CYSTM1: variants seen among roughly 807,000 people sequenced by gnomAD.
The protein encoded by CYSTM1 is cysteine rich transmembrane module containing 1.
A neutral mutation model predicts 13.1 loss-of-function variants in CYSTM1; 4 were observed. That is an observed-to-expected ratio of 0.31 (90% CI 0.15 to 0.70). The LOEUF (loss-of-function observed/expected upper bound fraction) is 0.70, where lower values mean the gene tolerates loss of function less well. CYSTM1 is among the 30% of genes least tolerant of loss of function. The pLI is 0.72. For missense variants in CYSTM1, 96 were observed against 121.6 expected (o/e 0.79, Z 0.99); for synonymous variants, 36 against 42.7 (o/e 0.84, Z 0.62).
intron 1 of CYSTM1, among the ~76,000 whole-genome samples, chr5:140,190,363 A>G (rs935210968): frequency 9.1e-4 from 138 of 152,098 alleles, no homozygotes; most frequent in African/African-American, 3.2e-3. Flanking sequence ...AATGTCTGAT[A>G]ATCTTTGTCC....
intron 2 of CYSTM1, among the ~76,000 whole-genome samples, chr5:140,210,564 A>G (rs1288457098): frequency 6.6e-6 from 1 of 150,624 alleles, no homozygotes; most frequent in Non-Finnish European, 1.5e-5. Flanking sequence ...CCCAGGTTGG[A>G]GTGCAGTGGT....
intron 2 of CYSTM1, among the ~76,000 whole-genome samples, chr5:140,242,878 T>C (rs538990345): frequency 2.0e-5 from 3 of 152,314 alleles, no homozygotes; most frequent in East Asian, 3.9e-4. Context: ...TCTTTAAGGG[T>C]TTAAAGCCCC....
Position 140,196,088 on chromosome 5 carries a change from T to C in CYSTM1, c.187+1436T>C, listed in dbSNP as rs544115380. Among the ~76,000 whole-genome samples, 14 of 152,098 alleles carry C rather than the reference T, an allele frequency of 9.2e-5. No homozygotes were observed. The East Asian group carries it at 2.7e-3, about 29-fold the overall frequency. On this transcript the variant is annotated intron_variant, in intron 2 of 2. Transcript: ENST00000261811. ...GTGTGTCACATGGTCTCCTAAGTGC[T>C]TTATATACATTAACATTTAATCCTT...
intron 2 of CYSTM1, among the ~76,000 whole-genome samples, chr5:140,233,762 G>A (rs376853263): frequency 2.6e-5 from 4 of 152,150 alleles, no homozygotes; most frequent in South Asian, 2.1e-4. Context: ...TTTGCTCTCC[G>A]TATATCCTCT....
At chr5:140,188,328 T>C (rs1416504493) in intron 1 of CYSTM1, among the ~76,000 whole-genome samples, 1 of 152,060 alleles carries the variant, frequency 6.6e-6, no homozygotes, top group Non-Finnish European at 1.5e-5. Context: ...CCTCAAGTGA[T>C]TCCCCTGTCT....
At chr5:140,181,334 T>G (rs1380291236) in intron 1 of CYSTM1, among the ~76,000 whole-genome samples, 4 of 152,154 alleles carry the variant, frequency 2.6e-5, no homozygotes, top group Non-Finnish European at 1.5e-5. Flanking sequence ...ACTAACAGCC[T>G]TTCCTCCCCA....
At chr5:140,177,069 A>AAAAAAAAAAACAAAAAAAAAAC (rs1491329247) in intron 1 of CYSTM1, among the ~76,000 whole-genome samples, 1,884 of 35,334 alleles carry the variant, frequency 0.053, 78 homozygotes, top group African/African-American at 0.21. Flanking sequence ...ACTCTGTCTC[A>AAAAAAAAAAACAAAAAAAAAAC]AAAAAAAAAA....
intron 1 of CYSTM1, among the ~76,000 whole-genome samples, chr5:140,181,102 C>A (rs886464191): frequency 2.6e-5 from 4 of 152,228 alleles, no homozygotes; most frequent in Admixed American, 2.6e-4. Context: ...TGCTAGACTT[C>A]TGCCACGTTA....
At chr5:140,229,076 A>G (rs934011269) in intron 2 of CYSTM1, among the ~76,000 whole-genome samples, 5 of 152,208 alleles carry the variant, frequency 3.3e-5, no homozygotes, top group African/African-American at 1.2e-4. Context: ...TGAATTGATT[A>G]TACATATTCT....
chr5:140,220,971 C>G (rs1287982345), intron 2 of CYSTM1, among the ~76,000 whole-genome samples: 1 of 152,196 alleles, frequency 6.6e-6, no homozygotes. Flanking sequence ...TGCTGTGAAG[C>G]TCAGCTCTGG....
At chr5:140,199,382 A>G (rs1214259408) in intron 2 of CYSTM1, among the ~76,000 whole-genome samples, 1 of 152,226 alleles carries the variant, frequency 6.6e-6, no homozygotes, top group Non-Finnish European at 1.5e-5. Flanking sequence ...GAATTACCAC[A>G]CTGTCTTCCA....
In CYSTM1 at chr5:140,182,539, T is replaced by G. The variant is rs565237588; in HGVS notation, c.-21+7254T>G. 3.9e-5 allele frequency among the ~76,000 whole-genome samples: 6 copies of G among 152,208 alleles called. No homozygotes were observed. The South Asian group carries it at 1.2e-3, about 32-fold the overall frequency. ...CAGGGGTGTGGCTTCATTGATGCTG[T>G]GTTACATTGTTCTTTCTGTGCCAGC... On this transcript the variant is annotated intron_variant, in intron 1 of 2. Coordinates refer to ENST00000261811, the MANE Select transcript of CYSTM1 (RefSeq NM_032412.4).
chr5:140,206,045 G>A (rs143216739), intron 2 of CYSTM1, among the ~76,000 whole-genome samples: 96 of 152,202 alleles, frequency 6.3e-4, no homozygotes, highest in African/African-American at 2.2e-3. Context: ...CCACCTCTCT[G>A]ACTCCTGCCA....
intron 2 of CYSTM1, among the ~76,000 whole-genome samples, chr5:140,220,249 G>C (rs1764474399): frequency 6.6e-6 from 1 of 152,150 alleles, no homozygotes; most frequent in African/African-American, 2.4e-5. Flanking sequence ...TCCATCCTGA[G>C]GGCAAGGGAC....
At chr5:140,218,714 C>T (rs1479035731) in intron 2 of CYSTM1, among the ~76,000 whole-genome samples, 1 of 152,220 alleles carries the variant, frequency 6.6e-6, no homozygotes, top group Non-Finnish European at 1.5e-5. Context: ...AGCAGCATTG[C>T]AAACATACTA....
intron 1 of CYSTM1, among the ~76,000 whole-genome samples, chr5:140,182,234 C>G (rs578254768): frequency 9.2e-5 from 14 of 152,116 alleles, no homozygotes; most frequent in Non-Finnish European, 1.8e-4. Context: ...CAGCCTTTAC[C>G]CAAAGATATG....
intron 2 of CYSTM1, among the ~76,000 whole-genome samples, chr5:140,197,823 G>A (rs1170772686): frequency 6.6e-6 from 1 of 152,134 alleles, no homozygotes; most frequent in African/African-American, 2.4e-5. Context: ...AAGGAGGGAG[G>A]ATCTCCTTTA....
At chr5:140,197,415 A>T (rs776940682) in intron 2 of CYSTM1, among the ~76,000 whole-genome samples, 3 of 152,196 alleles carry the variant, frequency 2.0e-5, no homozygotes, top group Non-Finnish European at 2.9e-5. Flanking sequence ...TTTCCTATGG[A>T]TATACCCAGG....
In CYSTM1 at chr5:140,230,615, C is replaced by G. The variant is rs1020153380; in HGVS notation, c.188-12690C>G. Reference sequence around the variant, plus strand: ...CAGGCTGTGACATCATCAGCAGGCTCATTCTGTCCAAACTCCAGCTGGCCA... The same window carrying G: ...CAGGCTGTGACATCATCAGCAGGCTGATTCTGTCCAAACTCCAGCTGGCCA... On this transcript the variant is annotated intron_variant, in intron 2 of 2. Transcript: ENST00000261811. This position sits in a 1 kb window ranked among gnomAD's most constrained non-coding sequence, Gnocchi z 4.1. Among the ~76,000 whole-genome samples, 1 of 152,222 alleles carries G rather than the reference C, an allele frequency of 6.6e-6. No individual in the cohort carries two copies. Among genetic ancestry groups the G allele is most frequent in the Non-Finnish European group, 1.5e-5 (1 of 68,038 alleles).
Sources: allele counts gnomAD v4.1 joint callset (sites outside exome capture counted in the v4.1 genomes callset), GRCh38; gene constraint gnomAD v4.1.1; non-coding constraint Gnocchi (gnomAD v3.1); transcripts MANE v1.5; gene names NCBI Gene and HGNC (gene_info 2026-07-23, HGNC 2026-07-21).